EYA1: variants seen among roughly 807,000 people sequenced by gnomAD.
EYA1 encodes the protein protein phosphatase EYA1.
A neutral mutation model predicts 82.0 loss-of-function variants in EYA1; 16 were observed. The observed-to-expected ratio is 0.20, with a 90% CI of 0.13 to 0.30. EYA1 has a LOEUF of 0.30. Ranked by LOEUF, EYA1 falls within the 10% of genes least tolerant of loss-of-function variation. EYA1 has a pLI of 1.00. For synonymous variants in EYA1, 261 were observed against 264.4 expected, an observed-to-expected ratio of 0.99 and a Z score of 0.12; for missense variants, 633 against 730.7, an observed-to-expected ratio of 0.87 and a Z score of 1.54.
chr8:71,207,186 T>A (rs552600403), intron 17 of EYA1, among the ~76,000 whole-genome samples: 41 of 152,326 alleles, frequency 2.7e-4, no homozygotes, highest in Non-Finnish European at 5.3e-4. Context: ...CTCCTCCTCC[T>A]AAATTATTTC....
At chr8:71,278,630 C>A (rs943816200) in intron 9 of EYA1, among the ~76,000 whole-genome samples, 11 of 152,186 alleles carry the variant, frequency 7.2e-5, no homozygotes, top group Non-Finnish European at 1.6e-4. Context: ...ATAGTTTTAA[C>A]CCTTTTTTCA....
At chr8:71,274,940 G>A (rs1043439133) in intron 9 of EYA1, among the ~76,000 whole-genome samples, 1 of 152,190 alleles carries the variant, frequency 6.6e-6, no homozygotes, top group Non-Finnish European at 1.5e-5. Context: ...GCGAGTGAAC[G>A]AGAGCAAGCG....
At position 71,215,395 on chromosome 8, in the gene EYA1, G is replaced by A; in HGVS notation, c.1589C>T (p.Thr530Ile). The change falls in exon 16 of 18, where the codon ACT becomes ATT. Residue 530 changes from threonine to isoleucine, a missense_variant. Thr to Ile is a moderately conservative substitution (Grantham distance 89). Coordinates refer to ENST00000340726, the MANE Select transcript of EYA1 (RefSeq NM_000503.6). ...VFPIENIYSA[T>I]KIGKESCFER... is the part of the protein sequence containing the mutation. The stretch of plus-strand genomic sequence containing the variant: ...AAAGAAAAGCAGCTCACCTATTTTA[G>A]TTGCACTGTAAATATTTTCTATTGG... 6.2e-7 allele frequency: 1 copy of A among 1,612,490 alleles called. No homozygotes were observed. The highest frequency in any genetic ancestry group is 8.5e-7 in the Non-Finnish European group (1 of 1,178,724).
At position 71,277,533 on chromosome 8, in the gene EYA1, T is replaced by C. The variant is rs146745078; in HGVS notation, c.827-5636A>G. 2.0e-4 allele frequency among the ~76,000 whole-genome samples: 30 copies of C among 152,348 alleles called. No homozygotes were observed. The East Asian group carries it at 5.4e-3, about 27-fold the overall frequency. On this transcript the variant is annotated intron_variant, in intron 9 of 17. Coordinates refer to ENST00000340726, the MANE Select transcript of EYA1 (RefSeq NM_000503.6). ...CCTCTGAAGATCAAACTCAAGAATCTTTGTGAATTCTCTAACTTCTGGTCC... is the reference window on the plus strand; with the variant it reads ...CCTCTGAAGATCAAACTCAAGAATCCTTGTGAATTCTCTAACTTCTGGTCC...
At chr8:71,542,674 C>T (rs1157547722) in intron 1 of EYA1, among the ~76,000 whole-genome samples, 1 of 152,150 alleles carries the variant, frequency 6.6e-6, no homozygotes, top group Non-Finnish European at 1.5e-5. Flanking sequence ...ATTTATATTC[C>T]CACCTACAGA....
At chr8:71,406,242 C>A (rs1464607364) in intron 2 of EYA1, among the ~76,000 whole-genome samples, 2 of 152,190 alleles carry the variant, frequency 1.3e-5, no homozygotes, top group Non-Finnish European at 2.9e-5. Context: ...AATGCATAGA[C>A]ATTTTCATTC....
chr8:71,274,548 T>C (rs915066185), intron 9 of EYA1, among the ~76,000 whole-genome samples: 5 of 152,176 alleles, frequency 3.3e-5, no homozygotes, highest in Non-Finnish European at 7.4e-5. Context: ...GGAGTGGATG[T>C]CACGTTCACA....
At chr8:71,321,711 C>T (rs1358388106) in intron 6 of EYA1, 23 bp downstream of exon 6, 1 of 1,612,886 alleles carries the variant, frequency 6.2e-7, no homozygotes, top group Non-Finnish European at 8.5e-7. Context: ...ATAACGCCAC[C>T]ACTACAGTTG....
intron 3 of EYA1, among the ~76,000 whole-genome samples, chr8:71,346,022 A>G (rs1025981): frequency 0.31 from 46,827 of 151,564 alleles, 8,559 homozygotes; most frequent in East Asian, 0.71. Context: ...ACGTGCGCGC[A>G]CACACACACA....
chr8:71,435,182 A>G (rs1281593257), intron 2 of EYA1, among the ~76,000 whole-genome samples: 1 of 151,912 alleles, frequency 6.6e-6, no homozygotes, highest in East Asian at 1.9e-4. Context: ...CTCTGGACTC[A>G]CTCCATTTAT....
At chr8:71,382,400 A>G (rs1010360287) in intron 2 of EYA1, among the ~76,000 whole-genome samples, 2 of 152,164 alleles carry the variant, frequency 1.3e-5, no homozygotes, top group Non-Finnish European at 2.9e-5. Context: ...GTACAATAAA[A>G]AGAGCAAATA....
chr8:71,304,957 G>T lies in EYA1; in HGVS notation c.557-5237C>A, dbSNP rs59618128. Among the ~76,000 whole-genome samples, 84 of 143,058 alleles carry T rather than the reference G, an allele frequency of 5.9e-4. 8 individuals carry two copies. Among genetic ancestry groups the T allele is most frequent in the African/African-American group, 2.0e-3 (82 of 40,500 alleles). 93.9% of individuals were successfully genotyped at this position (143,058 alleles called of 152,430 possible). ...TATGGGCTGCTAGACTCACTTGCAG[G>T]CTTAGCAAGAGAGGCACATTTGTGT... On this transcript the variant is annotated intron_variant, in intron 7 of 17. Transcript: ENST00000340726.
At chr8:71,422,802 T>C (rs1474113565) in intron 2 of EYA1, among the ~76,000 whole-genome samples, 1 of 152,106 alleles carries the variant, frequency 6.6e-6, no homozygotes, top group African/African-American at 2.4e-5. Context: ...GAGAACAGCA[T>C]GAGGGTAACC....
intron 16 of EYA1, among the ~76,000 whole-genome samples, chr8:71,212,884 C>T (rs1808694559): frequency 6.6e-6 from 1 of 152,162 alleles, no homozygotes; most frequent in South Asian, 2.1e-4. Context: ...TGAGACCAGC[C>T]TGGCTAACAT....
chr8:71,393,242 A>G (rs1222249333), intron 2 of EYA1, among the ~76,000 whole-genome samples: 1 of 152,118 alleles, frequency 6.6e-6, no homozygotes, highest in Non-Finnish European at 1.5e-5. Flanking sequence ...AGTGAAGGAC[A>G]TATAGATTCT....
intron 2 of EYA1, 94 bp downstream of exon 2, chr8:71,356,368 A>G (rs1826878090): frequency 9.5e-7 from 1 of 1,055,620 alleles, no homozygotes; most frequent in Non-Finnish European, 1.4e-6. Flanking sequence ...GGCTGTTACT[A>G]TTAATAGAAA....
intron 2 of EYA1, among the ~76,000 whole-genome samples, chr8:71,456,678 A>C (rs1330725780): frequency 6.6e-6 from 1 of 152,186 alleles, no homozygotes; most frequent in Non-Finnish European, 1.5e-5. Flanking sequence ...CCTATTTAAT[A>C]AATGGTGCTG....
chr8:71,445,328 T>C (rs1219070363), intron 2 of EYA1, among the ~76,000 whole-genome samples: 3 of 152,166 alleles, frequency 2.0e-5, no homozygotes, highest in Non-Finnish European at 4.4e-5. Flanking sequence ...GAAGTTGAAA[T>C]TGGTAGCTGA....
At chr8:71,404,299 A>G (rs540259440) in intron 2 of EYA1, 22 of 152,326 alleles carry the variant, frequency 1.4e-4, no homozygotes, top group African/African-American at 5.1e-4. Flanking sequence ...TACAAAAATA[A>G]TGTTTTTCAA....
Sources: gnomAD v4.1 joint callset for allele counts (sites outside exome capture counted in the v4.1 genomes callset) on GRCh38, gnomAD v4.1.1 for gene constraint, MANE v1.5 for transcripts, NCBI Gene and HGNC (gene_info 2026-07-23, HGNC 2026-07-21) for gene names.